FAM76B: variants seen among roughly 807,000 people sequenced by gnomAD.
FAM76B encodes the protein protein FAM76B.
A neutral mutation model predicts 51.8 loss-of-function variants in FAM76B; 16 were observed. That is an observed-to-expected ratio of 0.31 (90% CI 0.21 to 0.47). FAM76B has a LOEUF of 0.47. Ranked by LOEUF, FAM76B falls within the 20% of genes least tolerant of loss-of-function variation. The pLI is 1.00. For synonymous variants in FAM76B, 166 were observed against 129.5 expected, an observed-to-expected ratio of 1.28 and a Z score of -1.91; for missense variants, 342 against 392.6, an observed-to-expected ratio of 0.87 and a Z score of 1.09.
intron 7 of FAM76B, chr11:95,779,318 T>C (rs1397165710): frequency 3.9e-6 from 2 of 512,036 alleles, no homozygotes; most frequent in African/African-American, 4.0e-5. Context: ...ATATCACAAT[T>C]AGATTTGTGT....
Position 95,789,759 on chromosome 11 carries a change from GT to G in FAM76B, c.-282del. The G allele has an allele frequency of 5.0e-6, 2 of 402,732 alleles. No individual in the cohort carries two copies. Among genetic ancestry groups the G allele is most frequent in the Non-Finnish European group, 8.8e-6 (2 of 227,154 alleles). The allele number at this position is 402,732 out of a possible 1,614,324, so 24.9% of individuals were successfully genotyped here. The stretch of plus-strand genomic sequence containing the variant: ...GAGACGAAGCGGGTAGGGGGTTGCT[GT>G]TTAGCTGTGCGGCCGTGGATCCGCT... On this transcript the variant is annotated 5_prime_UTR_variant, in exon 1 of 10. Coordinates refer to ENST00000358780, the MANE Select transcript of FAM76B (RefSeq NM_144664.5).
rs1029746419 is a variant in FAM76B at position 95,770,974 on chromosome 11, T to C, written c.*587A>G. ...CAATAAACATTAATTCCTATACCAA[T>C]AATGAAAATGCTAGGTTACTAATGT... On this transcript the variant is annotated 3_prime_UTR_variant, in exon 10 of 10. Coordinates refer to ENST00000358780, the MANE Select transcript of FAM76B (RefSeq NM_144664.5). 6.6e-6 allele frequency: 1 copy of C among 151,352 alleles called. No individual in the cohort carries two copies. Among genetic ancestry groups the C allele is most frequent in the African/African-American group, 2.4e-5 (1 of 41,202 alleles). 9.4% of individuals were successfully genotyped at this position (151,352 alleles called of 1,614,324 possible).
intron 4 of FAM76B, among the ~76,000 whole-genome samples, 180 bp downstream of exon 4, chr11:95,785,939 A>G (rs1453093508): frequency 6.6e-6 from 1 of 152,252 alleles, no homozygotes; most frequent in Non-Finnish European, 1.5e-5. Context: ...AGTATAGTAC[A>G]TGAATCTATG....
intron 9 of FAM76B, among the ~76,000 whole-genome samples, chr11:95,773,199 G>C (rs1859847678): frequency 6.6e-6 from 1 of 150,868 alleles, no homozygotes; most frequent in South Asian, 2.1e-4. Context: ...TTGAACATTA[G>C]GTCTTCAAAG....
intron 4 of FAM76B, among the ~76,000 whole-genome samples, chr11:95,784,295 A>G (rs544562809): frequency 1.8e-4 from 28 of 152,168 alleles, no homozygotes; most frequent in Admixed American, 1.6e-3. Flanking sequence ...CAGATGGTGG[A>G]GGGTAGAAGA....
Position 95,779,893 on chromosome 11 carries a change from T to C in FAM76B, c.597A>G (p.Gly199=), listed in dbSNP as rs1860181963. 2 of 1,606,026 alleles carry C rather than the reference T, an allele frequency of 1.2e-6. No individual in the cohort carries two copies. Among genetic ancestry groups the C allele is most frequent in the South Asian group, 1.1e-5 (1 of 89,332 alleles). ...ISNLSPEEEQ[G]LWKQSHKSSA... is the part of the protein sequence containing the mutation. Reference sequence around the variant, plus strand: ...AATGTATTTACCTCTGTTTCCACAGTCCCTGCTCTTCTTCTGGACTTAGAT... The same window carrying C: ...AATGTATTTACCTCTGTTTCCACAGCCCCTGCTCTTCTTCTGGACTTAGAT... Residue 199 remains glycine, a synonymous_variant, in exon 6 of 10, where the codon GGA becomes GGG. Transcript: ENST00000358780.
chr11:95,786,495 G>A (rs144140679), intron 3 of FAM76B: 5,065 of 422,846 alleles, frequency 0.012, 44 homozygotes, highest in Non-Finnish European at 0.017. Flanking sequence ...CTCTAAGATC[G>A]TGAGAAATAG....
intron 4 of FAM76B, 51 bp downstream of exon 4, chr11:95,786,068 T>G (rs190368648): frequency 6.3e-7 from 1 of 1,575,618 alleles, no homozygotes; most frequent in Non-Finnish European, 8.6e-7. Context: ...TCCAACTTGT[T>G]TGGCATTTTA....
At chr11:95,783,711 A>G (rs906248755) in intron 4 of FAM76B, among the ~76,000 whole-genome samples, 1 of 152,202 alleles carries the variant, frequency 6.6e-6, no homozygotes, top group African/African-American at 2.4e-5. Flanking sequence ...TTATTCTTGC[A>G]TTTCCTATTC....
chr11:95,776,962 A>G (rs556428865), intron 8 of FAM76B, among the ~76,000 whole-genome samples: 1 of 151,266 alleles, frequency 6.6e-6, no homozygotes, highest in Non-Finnish European at 1.5e-5. Context: ...TGTCAAATTC[A>G]AAGTATAACT....
chr11:95,772,818 C>A (rs1342930142), intron 9 of FAM76B, among the ~76,000 whole-genome samples: 2 of 151,082 alleles, frequency 1.3e-5, no homozygotes, highest in Non-Finnish European at 3.0e-5. Context: ...CCCCACCCTT[C>A]TTCTCCAATC....
chr11:95,779,761 C>T, intron 6 of FAM76B, 74 bp from the exon 7 acceptor site: 2 of 1,564,154 alleles, frequency 1.3e-6, no homozygotes, highest in Non-Finnish European at 1.7e-6. Context: ...ATTCATCTTC[C>T]CCTAAAATAT....
chr11:95,786,087 C>T (rs749060912), intron 4 of FAM76B, 32 bp downstream of exon 4: 5 of 1,574,658 alleles, frequency 3.2e-6, no homozygotes, highest in Admixed American at 3.6e-5. Context: ...TATTTAATTT[C>T]CAGAAGATGT....
chr11:95,777,568 T>C (rs934055668), intron 8 of FAM76B, among the ~76,000 whole-genome samples: 2 of 151,316 alleles, frequency 1.3e-5, no homozygotes, highest in African/African-American at 2.4e-5. Flanking sequence ...CAAATTTCCA[T>C]AAAGGCTCAT....
intron 8 of FAM76B, among the ~76,000 whole-genome samples, chr11:95,777,939 T>C (rs1860083886): frequency 6.6e-6 from 1 of 151,452 alleles, no homozygotes; most frequent in Non-Finnish European, 1.5e-5. Context: ...CAAAAGATGA[T>C]CAAACAGTAA....
intron 8 of FAM76B, among the ~76,000 whole-genome samples, chr11:95,776,269 C>T (rs1453867661): frequency 6.6e-6 from 1 of 151,136 alleles, no homozygotes; most frequent in Non-Finnish European, 1.5e-5. Flanking sequence ...TCTTTTTTTC[C>T]TAAACATGGC....
Position 95,786,021 on chromosome 11 carries a change from G to A in FAM76B, c.363+98C>T, listed in dbSNP as rs185956519. 3.7e-5 allele frequency: 52 copies of A among 1,420,570 alleles called. No homozygotes were observed. In the South Asian group the frequency reaches 6.3e-4, roughly 17 times the overall value. The allele number at this position is 1,420,570 out of a possible 1,614,324, so 88.0% of individuals were successfully genotyped here. A position where few individuals can be genotyped will look rare whatever the true frequency, so the allele number is the denominator to read the frequency against. On this transcript the variant is annotated intron_variant, in intron 4 of 9. Coordinates refer to ENST00000358780, the MANE Select transcript of FAM76B (RefSeq NM_144664.5). ...AACTACTTGCTTTCATGGACCTAAA[G>A]AATAGATCCAGTCTCAGTAGTGTAT...
intron 4 of FAM76B, among the ~76,000 whole-genome samples, chr11:95,783,883 T>G (rs986788167): frequency 6.6e-6 from 1 of 152,248 alleles, no homozygotes; most frequent in Non-Finnish European, 1.5e-5. Context: ...CTGCCTCATT[T>G]ATTTCACCTC....
At chr11:95,782,234 C>G (rs538780003) in intron 5 of FAM76B, among the ~76,000 whole-genome samples, 3 of 152,134 alleles carry the variant, frequency 2.0e-5, no homozygotes, top group Non-Finnish European at 4.4e-5. Flanking sequence ...TAACTCCCCC[C>G]ACAGGTCACT....
Sources: allele counts gnomAD v4.1 joint callset (sites outside exome capture counted in the v4.1 genomes callset), GRCh38; gene constraint gnomAD v4.1.1; transcripts MANE v1.5; gene names NCBI Gene and HGNC (gene_info 2026-07-23, HGNC 2026-07-21).